Variants in RYR2 observed in about 807,000 individuals in gnomAD.
RYR2 encodes cardiac muscle ryanodine receptor-calcium release channel.
A neutral mutation model predicts 601.1 loss-of-function variants in RYR2; 227 were observed. The ratio of observed to expected loss-of-function variants is 0.38; its 90% CI spans 0.34 to 0.42. The LOEUF (loss-of-function observed/expected upper bound fraction) is 0.42, where lower values mean the gene tolerates loss of function less well. RYR2 is among the 10% of genes least tolerant of loss of function. The pLI is 1.00. For missense variants in RYR2, 4,646 were observed against 6,156.5 expected, an observed-to-expected ratio of 0.75 and a Z score of 8.21; for synonymous variants, 2,223 against 2,175.1, an observed-to-expected ratio of 1.02 and a Z score of -0.61.
At chr1:237,483,153 G>A (rs1257840695) in intron 17 of RYR2, among the ~76,000 whole-genome samples, 1 of 152,074 alleles carries the variant, frequency 6.6e-6, no homozygotes, top group African/African-American at 2.4e-5. Context: ...TCTTCATGCT[G>A]ATTCATAGAT....
intron 99 of RYR2, among the ~76,000 whole-genome samples, chr1:237,808,653 TCAAAAAAAAAAAAAA>T (rs1660914418): frequency 1.1e-5 from 1 of 87,382 alleles, no homozygotes; most frequent in Non-Finnish European, 2.2e-5. Context: ...AAACTCTGTC[TCAAAAAAAAAAAAAA>T]CAAAATAAAA....
intron 101 of RYR2, among the ~76,000 whole-genome samples, chr1:237,822,464 C>G (rs2794839): frequency 0.26 from 39,846 of 151,758 alleles, 5,649 homozygotes; most frequent in East Asian, 0.61. Context: ...AAATCCTTTA[C>G]AGACAAGCAA....
chr1:237,424,147 A>G (rs539809495), intron 12 of RYR2, among the ~76,000 whole-genome samples: 1 of 152,196 alleles, frequency 6.6e-6, no homozygotes, highest in Middle Eastern at 3.4e-3. Context: ...TTGAGATGAG[A>G]TTTGGGTGGG....
In RYR2 at chr1:237,445,213, T is replaced by C. The variant is rs79065964; in HGVS notation, c.1171-188T>C. On this transcript the variant is annotated intron_variant, in intron 13 of 104. Coordinates refer to ENST00000366574, the MANE Select transcript of RYR2 (RefSeq NM_001035.3). ...ATGAAGTAATAACTAAATGAATAAA[T>C]GGAATGGCTAATTTGTATAGGGAGC... Among the ~76,000 whole-genome samples, 4,631 of 152,148 alleles carry C rather than the reference T, an allele frequency of 0.03. 96 individuals are homozygous for C. The highest frequency in any genetic ancestry group is 0.052 in the Non-Finnish European group (3,536 of 67,984).
At chr1:237,615,268 T>C (rs1167529389) in intron 37 of RYR2, among the ~76,000 whole-genome samples, 2 of 152,176 alleles carry the variant, frequency 1.3e-5, no homozygotes, top group Admixed American at 1.3e-4. Flanking sequence ...CATAGCTCAC[T>C]GCAGCCTAGA....
intron 1 of RYR2, among the ~76,000 whole-genome samples, chr1:237,171,521 C>A (rs1677391441): frequency 6.6e-6 from 1 of 152,132 alleles, no homozygotes; most frequent in South Asian, 2.1e-4. Context: ...TCTGTATACT[C>A]ATTTCCTTAC....
intron 62 of RYR2, 145 bp downstream of exon 62, chr1:237,680,722 C>T (rs1280312764): frequency 1.8e-6 from 1 of 569,168 alleles, no homozygotes; most frequent in Non-Finnish European, 3.0e-6. Flanking sequence ...AAATACTAGA[C>T]AAAAACAGTT....
At chr1:237,772,597 C>T (rs1273276464) in intron 86 of RYR2, among the ~76,000 whole-genome samples, 8 of 152,138 alleles carry the variant, frequency 5.3e-5, no homozygotes, top group South Asian at 2.1e-4. Context: ...TATTTGAGAA[C>T]GTTAATCAAA....
chr1:237,566,507 C>A (rs1002235802), intron 27 of RYR2, 60 bp from the exon 28 acceptor site: 7 of 1,497,018 alleles, frequency 4.7e-6, no homozygotes, highest in South Asian at 1.2e-5. Context: ...TTTATGATAT[C>A]TTTCCTTCTC....
intron 101 of RYR2, among the ~76,000 whole-genome samples, chr1:237,827,936 C>CA (rs58421624): frequency 0.013 from 869 of 69,326 alleles, 109 homozygotes; most frequent in Non-Finnish European, 0.019. Flanking sequence ...GACTCCGTCT[C>CA]AAAAAAAAAA....
rs1056298708 is a variant in RYR2, at chr1:237,472,537, T to C, written c.1708+3350T>C. Among the ~76,000 whole-genome samples the C allele has an allele frequency of 2.6e-5, 4 of 152,252 alleles. No homozygotes were observed. The South Asian group carries it at 8.3e-4, about 32-fold the overall frequency. On this transcript the variant is annotated intron_variant, in intron 17 of 104. Coordinates refer to ENST00000366574, the MANE Select transcript of RYR2 (RefSeq NM_001035.3). ...TGGAAATGAAGTGATGAATCATAGG[T>C]GAATAGTTAAATTATATTACAACAA...
chr1:237,209,270 A>G (rs1682289453), intron 1 of RYR2, among the ~76,000 whole-genome samples: 1 of 151,592 alleles, frequency 6.6e-6, no homozygotes, highest in Non-Finnish European at 1.5e-5. Context: ...TATGAACAAG[A>G]TGATTCCAAA....
intron 1 of RYR2, among the ~76,000 whole-genome samples, chr1:237,111,742 T>TG (rs1669504059): frequency 6.6e-6 from 1 of 152,212 alleles, no homozygotes; most frequent in East Asian, 1.9e-4. Context: ...TTGCCTATCC[T>TG]GCAAGGGTAA....
intron 1 of RYR2, among the ~76,000 whole-genome samples, chr1:237,101,802 T>C (rs1158231034): frequency 6.6e-6 from 1 of 152,212 alleles, no homozygotes. Context: ...GTACTTTTCA[T>C]CTCTATTTCT....
chr1:237,235,878 A>C (rs1435188194), intron 1 of RYR2, among the ~76,000 whole-genome samples: 1 of 152,148 alleles, frequency 6.6e-6, no homozygotes, highest in Non-Finnish European at 1.5e-5. Flanking sequence ...TGTCGTGCAT[A>C]TGTATGTTGG....
rs1193798892 is a variant in RYR2 at position 237,294,607 on chromosome 1, AT to A, written c.168+23993del. ...ATATTTAAGTAAAATATTTTATTTG[AT>A]TAATCAGATACATTTTAAAATTATA... On this transcript the variant is annotated intron_variant, in intron 2 of 104. Coordinates refer to ENST00000366574, the MANE Select transcript of RYR2 (RefSeq NM_001035.3). Among the ~76,000 whole-genome samples the A allele has an allele frequency of 2.0e-5, 3 of 152,204 alleles. No individual in the cohort carries two copies. In the East Asian group the frequency reaches 5.8e-4, roughly 29 times the overall value.
intron 1 of RYR2, among the ~76,000 whole-genome samples, chr1:237,227,095 A>G (rs1233014436): frequency 6.6e-6 from 1 of 152,116 alleles, no homozygotes; most frequent in Non-Finnish European, 1.5e-5. Flanking sequence ...GTATAATGAC[A>G]GTTATGCATA....
At chr1:237,818,551 T>C (rs1161338031) in intron 100 of RYR2, among the ~76,000 whole-genome samples, 3 of 152,120 alleles carry the variant, frequency 2.0e-5, no homozygotes, top group African/African-American at 7.2e-5. Context: ...GAAAATAATT[T>C]CAGCATCATA....
chr1:237,636,743 G>C (rs1374209611), intron 44 of RYR2, among the ~76,000 whole-genome samples: 3 of 152,174 alleles, frequency 2.0e-5, no homozygotes, highest in Non-Finnish European at 4.4e-5. Flanking sequence ...GTTTCTAACA[G>C]CTTTATTCGT....
Sources: allele counts gnomAD v4.1 joint callset (sites outside exome capture counted in the v4.1 genomes callset), GRCh38; gene constraint gnomAD v4.1.1; transcripts MANE v1.5; gene names NCBI Gene and HGNC (gene_info 2026-07-23, HGNC 2026-07-21).